Variants in SHLD2 observed in about 807,000 individuals in gnomAD.
The protein encoded by SHLD2 is RINN1-REV7-interacting novel NHEJ regulator 2.
SHLD2 carries 30 observed loss-of-function variants against 73.2 expected under a neutral mutation model. The observed-to-expected ratio is 0.41, with a 90% CI of 0.31 to 0.56. SHLD2 has a LOEUF of 0.56. SHLD2 is among the 20% of genes least tolerant of loss of function. SHLD2 has a pLI of 0.28. For missense variants in SHLD2, 745 were observed against 1,055.9 expected (o/e 0.71, Z 4.08); for synonymous variants, 285 against 370.1 (o/e 0.77, Z 2.64).
chr10:87,112,211 C>A (rs1842971000), intron 2 of SHLD2, among the ~76,000 whole-genome samples: 1 of 150,352 alleles, frequency 6.7e-6, no homozygotes, highest in South Asian at 2.1e-4. Flanking sequence ...GCACTCCAGC[C>A]TGGGCGACAG....
chr10:87,172,833 T>C (rs1340249277), intron 6 of SHLD2, among the ~76,000 whole-genome samples: 2 of 152,014 alleles, frequency 1.3e-5, no homozygotes, highest in Non-Finnish European at 2.9e-5. Flanking sequence ...CATATGTGCA[T>C]TTGAAAACCT....
At chr10:87,103,889 GATCTT>G (rs1842424800) in intron 2 of SHLD2, among the ~76,000 whole-genome samples, 1 of 152,096 alleles carries the variant, frequency 6.6e-6, no homozygotes, top group African/African-American at 2.4e-5. Context: ...AACAATATAG[GATCTT>G]ATCCTTTTAA....
chr10:87,176,059 T>A lies in SHLD2; in HGVS notation c.2134T>A (p.Ser712Thr). 1 of 1,548,408 alleles carries A rather than the reference T, an allele frequency of 6.5e-7. No homozygotes were observed. The highest frequency in any genetic ancestry group is 8.7e-7 in the Non-Finnish European group (1 of 1,146,800). ...QKSAPSFVKI[S>T]DLATHLEDKC... ...AAGTGCACCCTCCTTTGTGAAGATA[T>A]CAGACTTAGCAACCCACCTAGAGGA... Residue 712 changes from serine to threonine, a missense_variant, in exon 7 of 10, where the codon TCA becomes ACA. Around this residue, in one of 5 missense-constraint regions of SHLD2, gnomAD observed 418 missense variants for 567.8 expected, o/e 0.74. Coordinates refer to ENST00000298786, the MANE Select transcript of SHLD2 (RefSeq NM_001330112.2).
intron 8 of SHLD2, among the ~76,000 whole-genome samples, chr10:87,184,865 G>A (rs1848519949): frequency 6.6e-6 from 1 of 152,118 alleles, no homozygotes; most frequent in Non-Finnish European, 1.5e-5. Flanking sequence ...TAGCCTGGGT[G>A]TGCTTACTGT....
chr10:87,170,767 T>C, intron 5 of SHLD2, 73 bp from the exon 6 acceptor site: 1 of 1,604,486 alleles, frequency 6.2e-7, no homozygotes. Context: ...TATATATGTA[T>C]CATCAGCTAT....
intron 2 of SHLD2, among the ~76,000 whole-genome samples, chr10:87,143,844 TTATTCTTTTTA>T (rs376362265): frequency 0.011 from 1,574 of 147,916 alleles, 25 homozygotes; most frequent in African/African-American, 0.037. Flanking sequence ...CATGTTCACC[TTATTCTTTTTA>T]TTCTTTCTTT....
intron 2 of SHLD2, among the ~76,000 whole-genome samples, chr10:87,131,833 G>A (rs956892693): frequency 2.0e-5 from 3 of 152,100 alleles, no homozygotes; most frequent in Admixed American, 1.3e-4. Flanking sequence ...ATTCCTATTA[G>A]CAATACACAA....
At chr10:87,132,993 A>G (rs557422811) in intron 2 of SHLD2, among the ~76,000 whole-genome samples, 21 of 152,274 alleles carry the variant, frequency 1.4e-4, no homozygotes, top group African/African-American at 4.3e-4. Flanking sequence ...GAAGGGCTCA[A>G]TGGTCCCTAA....
At chr10:87,149,908 T>C (rs1459982221) in intron 2 of SHLD2, among the ~76,000 whole-genome samples, 1 of 151,848 alleles carries the variant, frequency 6.6e-6, no homozygotes, top group Non-Finnish European at 1.5e-5. Context: ...TTTAAGAAAT[T>C]TTTTAGTTTT....
At chr10:87,104,173 G>T (rs541225279) in intron 2 of SHLD2, among the ~76,000 whole-genome samples, 1 of 151,148 alleles carries the variant, frequency 6.6e-6, no homozygotes, top group South Asian at 2.1e-4. Context: ...GGAGGCGGAG[G>T]TTGTAGTGAG....
intron 4 of SHLD2, among the ~76,000 whole-genome samples, chr10:87,168,216 T>C (rs1285567835): frequency 6.6e-6 from 1 of 152,010 alleles, no homozygotes; most frequent in Non-Finnish European, 1.5e-5. Flanking sequence ...AGCAAAGTCA[T>C]GCAATCAACC....
intron 4 of SHLD2, among the ~76,000 whole-genome samples, chr10:87,165,554 G>C (rs986520047): frequency 2.0e-5 from 3 of 152,022 alleles, no homozygotes; most frequent in African/African-American, 7.2e-5. Context: ...TAAAACACTG[G>C]AGAAACCCAA....
intron 7 of SHLD2, 140 bp downstream of exon 7, chr10:87,176,235 G>A (rs61858941): frequency 0.12 from 148,265 of 1,268,048 alleles, 9,650 homozygotes; most frequent in Admixed American, 0.16. Context: ...GATTCTCCCC[G>A]TTCAGCCTTT....
chr10:87,139,540 A>G (rs1217051348), intron 2 of SHLD2, among the ~76,000 whole-genome samples: 2 of 152,192 alleles, frequency 1.3e-5, no homozygotes, highest in Non-Finnish European at 2.9e-5. Context: ...TAATACAAGT[A>G]TTATAATGAC....
chr10:87,129,159 C>T (rs572299622), intron 2 of SHLD2, among the ~76,000 whole-genome samples: 13 of 152,178 alleles, frequency 8.5e-5, no homozygotes, highest in Non-Finnish European at 1.3e-4. Flanking sequence ...GGTGCGATCT[C>T]GGTTCACTGC....
At chr10:87,106,819 G>C (rs1271792020) in intron 2 of SHLD2, among the ~76,000 whole-genome samples, 1 of 152,166 alleles carries the variant, frequency 6.6e-6, no homozygotes, top group Non-Finnish European at 1.5e-5. Context: ...CCTTTATGTT[G>C]AAATTAGAAG....
intron 2 of SHLD2, among the ~76,000 whole-genome samples, chr10:87,104,044 G>A (rs1842435777): frequency 6.6e-6 from 1 of 151,594 alleles, no homozygotes; most frequent in South Asian, 2.1e-4. Context: ...GACCAGCCTG[G>A]CCAACATGGT....
intron 8 of SHLD2, among the ~76,000 whole-genome samples, chr10:87,184,509 A>G (rs1203049058): frequency 1.3e-5 from 2 of 151,848 alleles, no homozygotes; most frequent in African/African-American, 4.8e-5. Context: ...CCTGTTGCGC[A>G]AACCAGCACA....
At chr10:87,138,285 C>T (rs570320039) in intron 2 of SHLD2, among the ~76,000 whole-genome samples, 244 of 150,294 alleles carry the variant, frequency 1.6e-3, no homozygotes, top group African/African-American at 5.5e-3. Context: ...GTCGACAGAG[C>T]GAGACTCAGT....
Sources: gnomAD v4.1 joint callset for allele counts (sites outside exome capture counted in the v4.1 genomes callset) on GRCh38, gnomAD v4.1.1 for gene constraint, gnomAD v4.1.1 regional missense constraint, MANE v1.5 for transcripts, NCBI Gene and HGNC (gene_info 2026-07-23, HGNC 2026-07-21) for gene names.